PARP14: variants seen among roughly 807,000 people sequenced by gnomAD.
PARP14 encodes poly(ADP-ribose) polymerase family member 14.
A neutral mutation model predicts 154.2 loss-of-function variants in PARP14; 59 were observed. That is an observed-to-expected ratio of 0.38 (90% CI 0.31 to 0.48). The LOEUF is 0.48. PARP14 is among the 20% of genes least tolerant of loss of function. The probability of loss-of-function intolerance (pLI) is 0.98; values close to 1 mark genes in which losing one functional copy is unlikely to be tolerated. For synonymous variants in PARP14, 720 were observed against 780.5 expected (o/e 0.92, Z 1.29); for missense variants, 1,734 against 2,131.6 (o/e 0.81, Z 3.67).
At chr3:122,712,804 C>T (rs537810667) in intron 9 of PARP14, among the ~76,000 whole-genome samples, 1 of 152,286 alleles carries the variant, frequency 6.6e-6, no homozygotes, top group African/African-American at 2.4e-5. Context: ...CCACCCACCT[C>T]GGCCTCCCAA....
chr3:122,713,579 T>C lies in PARP14; in HGVS notation c.3769+6T>C, dbSNP rs778406560. ...CTCATTCAATCTCAAAGCAGGTACT[T>C]GTACAATTTTGATGAGTGCAATAGT... On this transcript the variant is annotated splice_donor_region_variant and intron_variant, in intron 10 of 16. Coordinates refer to ENST00000474629, the MANE Select transcript of PARP14 (RefSeq NM_017554.3). The C allele has an allele frequency of 6.2e-7, 1 of 1,612,546 alleles. No homozygotes were observed. Among genetic ancestry groups the C allele is most frequent in the East Asian group, 2.2e-5 (1 of 44,862 alleles).
chr3:122,692,828 C>T (rs1185076907), intron 4 of PARP14, among the ~76,000 whole-genome samples: 3 of 152,054 alleles, frequency 2.0e-5, no homozygotes, highest in Non-Finnish European at 4.4e-5. Flanking sequence ...AGTGCGTGAA[C>T]ACAGCAAATA....
chr3:122,709,676 C>A (rs1237567045), intron 9 of PARP14, among the ~76,000 whole-genome samples: 1 of 152,072 alleles, frequency 6.6e-6, no homozygotes, highest in Non-Finnish European at 1.5e-5. Context: ...AAAAGTGATC[C>A]CTTTTTACCA....
chr3:122,700,047 A>C lies in PARP14; in HGVS notation c.1493A>C (p.Glu498Ala). The change falls in exon 6 of 17, where the codon GAG (glutamate) becomes GCG (alanine). Residue 498 changes from glutamate (E) to alanine (A), a missense_variant. Glu to Ala is a moderately radical substitution (Grantham distance 107). Around this residue, in one of 2 missense-constraint regions of PARP14, gnomAD observed 1,646 missense variants for 1,976.0 expected, o/e 0.83. Coordinates refer to ENST00000474629, the MANE Select transcript of PARP14 (RefSeq NM_017554.3). ...DHLLTECPEI[E>A]ICYDRVTQHL... is the part of the protein sequence containing the mutation. ...TTACTCACGGAGTGCCCAGAGATAG[A>C]GATTTGTTACGATAGAGTCACTCAA... 1 of 1,613,964 alleles carries C rather than the reference A, an allele frequency of 6.2e-7. No individual in the cohort carries two copies. Among genetic ancestry groups the C allele is most frequent in the Non-Finnish European group, 8.5e-7 (1 of 1,179,838 alleles).
intron 6 of PARP14, among the ~76,000 whole-genome samples, chr3:122,702,193 T>C (rs950768019): frequency 6.6e-6 from 1 of 151,846 alleles, no homozygotes; most frequent in Non-Finnish European, 1.5e-5. Flanking sequence ...ATGGCAGGGG[T>C]TGGAGGGAGG....
chr3:122,692,935 C>A (rs1181491397), intron 4 of PARP14, among the ~76,000 whole-genome samples: 3 of 152,180 alleles, frequency 2.0e-5, no homozygotes, highest in Non-Finnish European at 4.4e-5. Flanking sequence ...CCAAACTGGA[C>A]TTCATGGAAG....
chr3:122,689,818 C>G (rs559271938), intron 3 of PARP14, among the ~76,000 whole-genome samples: 1 of 152,292 alleles, frequency 6.6e-6, no homozygotes, highest in East Asian at 1.9e-4. Context: ...TTACCACAAG[C>G]TGGGAGATAA....
At chr3:122,708,712 C>CT (rs1436292439) in intron 9 of PARP14, among the ~76,000 whole-genome samples, 4 of 152,088 alleles carry the variant, frequency 2.6e-5, no homozygotes, top group Non-Finnish European at 5.9e-5. Flanking sequence ...TCTTTAAATG[C>CT]TTTTTTGTGC....
chr3:122,707,680 C>A (rs1939203410), intron 8 of PARP14, among the ~76,000 whole-genome samples: 1 of 152,058 alleles, frequency 6.6e-6, no homozygotes, highest in Non-Finnish European at 1.5e-5. Context: ...TACTTATAGT[C>A]CCAGCTACTT....
At chr3:122,713,303 C>T in intron 9 of PARP14, 121 bp from the exon 10 acceptor site, 1 of 709,468 alleles carries the variant, frequency 1.4e-6, no homozygotes, top group Non-Finnish European at 2.3e-6. Context: ...AGGTTAAAGA[C>T]CAGAGGTCAC....
intron 14 of PARP14, among the ~76,000 whole-genome samples, chr3:122,719,747 G>A (rs1325389732): frequency 6.6e-6 from 1 of 152,162 alleles, no homozygotes; most frequent in African/African-American, 2.4e-5. Context: ...TTGTCACATA[G>A]CAAAATCTGC....
chr3:122,730,380 A>T lies in PARP14; in HGVS notation c.*1783A>T, dbSNP rs950259944. On this transcript the variant is annotated 3_prime_UTR_variant, in exon 17 of 17. Transcript: ENST00000474629. ...GCTCTGTAGGCCAAGGCCAGAGCTGATACTGACACGGAGCCAATGCAGATA... is the reference window on the plus strand; with the variant it reads ...GCTCTGTAGGCCAAGGCCAGAGCTGTTACTGACACGGAGCCAATGCAGATA... The T allele has an allele frequency of 6.6e-6, 1 of 152,184 alleles. No homozygotes were observed. The highest frequency in any genetic ancestry group is 2.4e-5 in the African/African-American group (1 of 41,442). 9.4% of individuals were successfully genotyped at this position (152,184 alleles called of 1,614,324 possible). A position where few individuals can be genotyped will look rare whatever the true frequency, so the allele number is the denominator to read the frequency against.
Position 122,728,360 on chromosome 3 carries a change from C to T in PARP14, c.5169C>T (p.Ala1723=). ...TTGCTGTCAATGCCAATTATTCTGC[C>T]AATGATACGTACTCCAGACCAGATG... is the stretch of plus-strand genomic sequence containing the variant. ...TYFAVNANYS[A]NDTYSRPDAN... The change falls in exon 17 of 17, where the codon GCC becomes GCT. Residue 1723 remains alanine (A), a synonymous_variant. Transcript: ENST00000474629. 6.2e-7 allele frequency: 1 copy of T among 1,613,208 alleles called. No individual in the cohort carries two copies. Among genetic ancestry groups the T allele is most frequent in the Non-Finnish European group, 8.5e-7 (1 of 1,179,190 alleles).
rs772029631 is a variant in PARP14, at chr3:122,680,874, G to C, written c.-10G>C. 1.3e-6 allele frequency: 2 copies of C among 1,591,326 alleles called. No individual in the cohort carries two copies. The highest frequency in any genetic ancestry group is 4.6e-5 in the East Asian group (2 of 43,538). ...CGGCCCCTGCAGTCCGGCGGAGAGC[G>C]GAGCTGAGGATGGCTGTGCCCGGCT... On this transcript the variant is annotated 5_prime_UTR_variant, in exon 1 of 17. Transcript: ENST00000474629.
chr3:122,696,620 A>T (rs1170038093), intron 5 of PARP14, among the ~76,000 whole-genome samples: 1 of 152,146 alleles, frequency 6.6e-6, no homozygotes, highest in Non-Finnish European at 1.5e-5. Context: ...TACCCTAGAA[A>T]TTAACCTCCC....
chr3:122,686,932 G>T, intron 2 of PARP14, 148 bp from the exon 3 acceptor site: 3 of 579,850 alleles, frequency 5.2e-6, no homozygotes, highest in Non-Finnish European at 9.2e-6. Flanking sequence ...ACTATATATG[G>T]CCCCAGATGT....
At chr3:122,709,285 A>G (rs564530248) in intron 9 of PARP14, among the ~76,000 whole-genome samples, 1 of 152,088 alleles carries the variant, frequency 6.6e-6, no homozygotes, top group Admixed American at 6.6e-5. Context: ...GCTTTCACTT[A>G]TAAGTGAGAA....
At chr3:122,688,610 C>G (rs1034073818) in intron 3 of PARP14, among the ~76,000 whole-genome samples, 2 of 152,150 alleles carry the variant, frequency 1.3e-5, no homozygotes, top group Non-Finnish European at 2.9e-5. Context: ...CCACACTGAT[C>G]CCTGACTATG....
At chr3:122,721,029 C>A (rs770315061) in intron 15 of PARP14, 13 of 319,090 alleles carry the variant, frequency 4.1e-5, no homozygotes, top group Non-Finnish European at 6.7e-5. Flanking sequence ...TCCTTGACTT[C>A]TCTAGCAAAA....
Sources: gnomAD v4.1 joint callset for allele counts (sites outside exome capture counted in the v4.1 genomes callset) on GRCh38, gnomAD v4.1.1 for gene constraint, gnomAD v4.1.1 regional missense constraint, MANE v1.5 for transcripts, NCBI Gene and HGNC (gene_info 2026-07-23, HGNC 2026-07-21) for gene names.